The following CFAP95 variants were observed in gnomAD, a reference collection of about 807,000 sequenced individuals.
CFAP95 encodes cilia- and flagella-associated protein 95.
At chr9:69,850,890 T>C in the CFAP95 span, among the ~76,000 whole-genome samples, 4 of 152,290 alleles carry the variant, frequency 2.6e-5, no homozygotes, top group South Asian at 6.2e-4. Context: ...CTTTCCTGTG[T>C]TAGGAATTCC....
chr9:69,900,348 A>G, the CFAP95 span, among the ~76,000 whole-genome samples: 3 of 152,320 alleles, frequency 2.0e-5, no homozygotes, highest in Admixed American at 2.0e-4. Flanking sequence ...TGGCATCCAG[A>G]TACATGAAGA....
chr9:69,861,569 T>C, the CFAP95 span, among the ~76,000 whole-genome samples: 1 of 152,066 alleles, frequency 6.6e-6, no homozygotes, highest in African/African-American at 2.4e-5. Flanking sequence ...GGAAGAGCTT[T>C]GGAGCAACAC....
chr9:69,854,124 T>C, the CFAP95 span, among the ~76,000 whole-genome samples: 2 of 152,298 alleles, frequency 1.3e-5, no homozygotes, highest in Admixed American at 1.3e-4. Context: ...TTGCCGCTGG[T>C]ATAGGAAACA....
chr9:69,876,383 AT>A, the CFAP95 span, among the ~76,000 whole-genome samples: 1 of 151,926 alleles, frequency 6.6e-6, no homozygotes, highest in East Asian at 2.0e-4. Flanking sequence ...AAATACAAAA[AT>A]TACTTGGGCC....
At chr9:69,891,188 T>A in the CFAP95 span, among the ~76,000 whole-genome samples, 1 of 152,168 alleles carries the variant, frequency 6.6e-6, no homozygotes, top group Non-Finnish European at 1.5e-5. Flanking sequence ...TGTTTCAGAG[T>A]AAAGAAGAAA....
At chr9:69,868,486 C>T in the CFAP95 span, among the ~76,000 whole-genome samples, 37 of 151,872 alleles carry the variant, frequency 2.4e-4, 1 homozygote, top group South Asian at 8.3e-4. Flanking sequence ...GGTGAAACCC[C>T]GTCTCTATTA....
At chr9:69,897,711 A>G in the CFAP95 span, among the ~76,000 whole-genome samples, 1 of 152,144 alleles carries the variant, frequency 6.6e-6, no homozygotes, top group Non-Finnish European at 1.5e-5. Context: ...GCTTAGAGTA[A>G]GGATAGAGCA....
chr9:69,828,096 T>G, the CFAP95 span, among the ~76,000 whole-genome samples: 3 of 152,206 alleles, frequency 2.0e-5, no homozygotes, highest in African/African-American at 7.2e-5. Flanking sequence ...TTAAGGAATT[T>G]AGAAGGTCTT....
the CFAP95 span, among the ~76,000 whole-genome samples, chr9:69,864,130 G>A: frequency 0.8 from 121,402 of 152,100 alleles, 49,156 homozygotes; most frequent in Middle Eastern, 0.9. Context: ...GCACCTTGTC[G>A]TTTTTACCAA....
the CFAP95 span, among the ~76,000 whole-genome samples, chr9:69,826,900 T>G: frequency 6.6e-6 from 1 of 152,228 alleles, no homozygotes; most frequent in Admixed American, 6.5e-5. Context: ...ATTTATATTT[T>G]AATGAGGCCT....
the CFAP95 span, among the ~76,000 whole-genome samples, chr9:69,876,286 A>G: frequency 2.6e-5 from 4 of 152,188 alleles, no homozygotes; most frequent in Non-Finnish European, 4.4e-5. Context: ...TAATCCCAGC[A>G]TTTTGGGAGA....
the CFAP95 span, among the ~76,000 whole-genome samples, chr9:69,821,968 A>G: frequency 2.1e-4 from 32 of 152,226 alleles, no homozygotes; most frequent in East Asian, 4.6e-3. Flanking sequence ...CCCAAGAAGC[A>G]TTTGGTTTAC....
chr9:69,905,417 G>T, the CFAP95 span, among the ~76,000 whole-genome samples: 5 of 152,232 alleles, frequency 3.3e-5, 1 homozygote, highest in South Asian at 1.0e-3. Context: ...TTACAATGAA[G>T]CTTTTCTGAA....
chr9:69,857,871 T>C, the CFAP95 span: 19 of 1,592,574 alleles, frequency 1.2e-5, no homozygotes, highest in Non-Finnish European at 1.6e-5. Context: ...CACATTACAC[T>C]CTAACAAGTT....
At chr9:69,875,104 T>C in the CFAP95 span, among the ~76,000 whole-genome samples, 1 of 152,226 alleles carries the variant, frequency 6.6e-6, no homozygotes, top group Non-Finnish European at 1.5e-5. Context: ...GGAATATCCA[T>C]GTTGATTTCC....
At chr9:69,861,705 T>G in the CFAP95 span, among the ~76,000 whole-genome samples, 1 of 127,202 alleles carries the variant, frequency 7.9e-6, no homozygotes, top group African/African-American at 3.0e-5. Flanking sequence ...TTGTCCTTTC[T>G]CCTGTTCTCC....
chr9:69,897,686 G>T, the CFAP95 span, among the ~76,000 whole-genome samples: 29 of 152,302 alleles, frequency 1.9e-4, no homozygotes, highest in African/African-American at 6.7e-4. Context: ...GAAAAAAGGT[G>T]CAGGAGATAA....
At chr9:69,876,988 A>T in the CFAP95 span, among the ~76,000 whole-genome samples, 1 of 152,170 alleles carries the variant, frequency 6.6e-6, no homozygotes, top group Non-Finnish European at 1.5e-5. Flanking sequence ...TTTTCTGAAA[A>T]CTTTGTTTAT....
At chr9:69,826,475 C>A in the CFAP95 span, among the ~76,000 whole-genome samples, 5 of 151,854 alleles carry the variant, frequency 3.3e-5, no homozygotes, top group East Asian at 9.7e-4. Flanking sequence ...AACACACATT[C>A]GAGAACTACG....
Sources: allele counts gnomAD v4.1 joint callset (sites outside exome capture counted in the v4.1 genomes callset), GRCh38; gene constraint gnomAD v4.1.1; transcripts MANE v1.5; gene names NCBI Gene and HGNC (gene_info 2026-07-23, HGNC 2026-07-21).